Variants in PTPRG observed in about 807,000 individuals in gnomAD.
PTPRG encodes the protein protein tyrosine phosphatase receptor type G.
PTPRG carries 102 observed loss-of-function variants against 165.3 expected under a neutral mutation model. The observed-to-expected ratio is 0.62, with a 90% confidence interval of 0.53 to 0.73. PTPRG has a LOEUF of 0.73. Ranked by LOEUF, PTPRG falls within the 30% of genes least tolerant of loss-of-function variation. PTPRG has a pLI of 0.00. For missense variants in PTPRG, 1,866 were observed against 1,861.4 expected (o/e 1.00, Z -0.05); for synonymous variants, 675 against 669.5 (o/e 1.01, Z -0.13).
chr3:61,898,703 C>T (rs1441600515), intron 2 of PTPRG, among the ~76,000 whole-genome samples: 3 of 152,184 alleles, frequency 2.0e-5, no homozygotes, highest in Admixed American at 6.5e-5. Context: ...TGGCAAAGGT[C>T]TTTAAATGGA....
intron 4 of PTPRG, among the ~76,000 whole-genome samples, chr3:62,021,857 C>CT (rs398062374): frequency 0.033 from 3,236 of 97,078 alleles, 59 homozygotes; most frequent in East Asian, 0.058. Flanking sequence ...TTTTCCTTTT[C>CT]TTTTTTTTTT....
At chr3:61,859,973 C>T (rs1340648843) in intron 2 of PTPRG, among the ~76,000 whole-genome samples, 1 of 152,174 alleles carries the variant, frequency 6.6e-6, no homozygotes, top group Admixed American at 6.5e-5. Flanking sequence ...GCTCTTGTGA[C>T]ATCCTTTATT....
intron 6 of PTPRG, among the ~76,000 whole-genome samples, chr3:62,148,626 G>T (rs151320722): frequency 1.3e-5 from 2 of 152,040 alleles, no homozygotes; most frequent in African/African-American, 2.4e-5. Context: ...TTAGTTGGGC[G>T]TGGTGGCGTG....
intron 1 of PTPRG, among the ~76,000 whole-genome samples, chr3:61,679,302 G>A (rs1318009483): frequency 1.3e-5 from 2 of 152,198 alleles, no homozygotes; most frequent in African/African-American, 4.8e-5. Context: ...TTGACAGCCT[G>A]TCAGGAGGAC....
chr3:61,714,844 C>A (rs539625757), intron 1 of PTPRG, among the ~76,000 whole-genome samples: 2 of 152,298 alleles, frequency 1.3e-5, no homozygotes, highest in Non-Finnish European at 1.5e-5. Flanking sequence ...CAAGAAGTAT[C>A]TTGTTTTAGC....
At chr3:61,928,404 A>G (rs970688134) in intron 2 of PTPRG, among the ~76,000 whole-genome samples, 2 of 152,144 alleles carry the variant, frequency 1.3e-5, no homozygotes, top group Non-Finnish European at 2.9e-5. Context: ...AACCAGACTT[A>G]TTTTGCCTGA....
At chr3:61,735,682 A>G (rs2032693200) in intron 1 of PTPRG, among the ~76,000 whole-genome samples, 1 of 152,180 alleles carries the variant, frequency 6.6e-6, no homozygotes, top group African/African-American at 2.4e-5. Flanking sequence ...TTTCTACCCA[A>G]AGCATATTTG....
At chr3:61,852,222 T>G (rs2036982763) in intron 2 of PTPRG, among the ~76,000 whole-genome samples, 1 of 152,204 alleles carries the variant, frequency 6.6e-6, no homozygotes. Flanking sequence ...ACATAATCTT[T>G]GAAAAGGAGA....
Position 61,975,504 on chromosome 3 carries a change from C to T in PTPRG, c.191-14121C>T, listed in dbSNP as rs188603012. 8.7e-4 allele frequency among the ~76,000 whole-genome samples: 132 copies of T among 152,270 alleles called. 1 individual carries two copies. Among genetic ancestry groups the T allele is most frequent in the Non-Finnish European group, 1.5e-3 (100 of 68,018 alleles). The stretch of plus-strand genomic sequence containing the variant: ...TTATTTCTAATGAGGTTCTTCACTG[C>T]AAATCTCCCAGCACTAGTCTTTTTG... On this transcript the variant is annotated intron_variant, in intron 2 of 29. Transcript: ENST00000474889.
intron 4 of PTPRG, among the ~76,000 whole-genome samples, chr3:62,017,409 C>T (rs901292460): frequency 3.8e-5 from 5 of 130,956 alleles, no homozygotes; most frequent in Admixed American, 9.2e-5. Context: ...TCGTTTAGCT[C>T]AGAAAATGAT....
intron 2 of PTPRG, among the ~76,000 whole-genome samples, chr3:61,890,423 GT>G (rs11328993): frequency 0.69 from 82,594 of 119,428 alleles, 28,119 homozygotes; most frequent in East Asian, 0.92. Flanking sequence ...TTTTTTTTTT[GT>G]TTTTTTTTTT....
intron 4 of PTPRG, among the ~76,000 whole-genome samples, chr3:62,059,738 G>A (rs1014176383): frequency 6.6e-6 from 1 of 152,124 alleles, no homozygotes; most frequent in African/African-American, 2.4e-5. Flanking sequence ...CACATGTCAT[G>A]GGAGGAACCT....
intron 1 of PTPRG, among the ~76,000 whole-genome samples, chr3:61,674,704 C>CT (rs1046825652): frequency 1.8e-4 from 27 of 151,886 alleles, no homozygotes; most frequent in African/African-American, 6.6e-4. Flanking sequence ...CTCTTTGTAA[C>CT]TTTAACATCA....
intron 2 of PTPRG, among the ~76,000 whole-genome samples, chr3:61,765,069 C>T (rs1231625410): frequency 6.6e-6 from 1 of 152,216 alleles, no homozygotes; most frequent in Non-Finnish European, 1.5e-5. Flanking sequence ...AGTTGGTCTC[C>T]ATGCTGCTGT....
At chr3:62,205,795 G>A (rs1700215228) in intron 12 of PTPRG, among the ~76,000 whole-genome samples, 1 of 152,186 alleles carries the variant, frequency 6.6e-6, no homozygotes, top group Non-Finnish European at 1.5e-5. Context: ...TGACCACGCT[G>A]AGGATTTCCT....
chr3:61,662,770 T>G (rs1470762169), intron 1 of PTPRG, among the ~76,000 whole-genome samples: 1 of 152,150 alleles, frequency 6.6e-6, no homozygotes, highest in African/African-American at 2.4e-5. Context: ...GGGTTAGATT[T>G]GGTACTTAGC....
At chr3:62,289,964 T>G (rs1702820273) in intron 28 of PTPRG, among the ~76,000 whole-genome samples, 1 of 152,086 alleles carries the variant, frequency 6.6e-6, no homozygotes, top group African/African-American at 2.4e-5. Flanking sequence ...GATAAAGATG[T>G]GGTCAACTAC....
chr3:62,091,440 C>A (rs537750592), intron 5 of PTPRG, among the ~76,000 whole-genome samples: 1 of 152,180 alleles, frequency 6.6e-6, no homozygotes, highest in Non-Finnish European at 1.5e-5. Flanking sequence ...GCAGCCAAGT[C>A]GGCTGAGAGA....
chr3:62,184,184 G>A (rs1705776048), intron 8 of PTPRG, among the ~76,000 whole-genome samples: 2 of 152,206 alleles, frequency 1.3e-5, no homozygotes, highest in Admixed American at 1.3e-4. Flanking sequence ...CGAGAGGAAT[G>A]CACAGAGCCG....
Sources: allele counts gnomAD v4.1 joint callset (sites outside exome capture counted in the v4.1 genomes callset), GRCh38; gene constraint gnomAD v4.1.1; transcripts MANE v1.5; gene names NCBI Gene and HGNC (gene_info 2026-07-23, HGNC 2026-07-21).